The following PAK3 variants were observed in gnomAD, a reference collection of about 807,000 sequenced individuals.
The protein encoded by PAK3 is p21 (RAC1) activated kinase 3.
A neutral mutation model predicts 41.0 loss-of-function variants in PAK3; 4 were observed. The observed-to-expected ratio is 0.10, with a 90% CI of 0.05 to 0.22. The LOEUF (loss-of-function observed/expected upper bound fraction) is 0.22, where lower values mean the gene tolerates loss of function less well. Ranked by LOEUF, PAK3 falls within the 10% of genes least tolerant of loss-of-function variation. The pLI is 1.00. For synonymous variants in PAK3, 146 were observed against 139.6 expected (o/e 1.05, Z -0.32); for missense variants, 205 against 409.9 (o/e 0.50, Z 4.32).
chrX:111,144,902 A>G, intron 6 of PAK3: 1 of 1,108,131 alleles, frequency 9.0e-7, no homozygotes, highest in Non-Finnish European at 1.2e-6. Flanking sequence ...GGTCGCTTCA[A>G]GTCAATCAGA....
At chrX:110,979,296 C>CT (rs869275249) in intron 1 of PAK3, among the ~76,000 whole-genome samples, 103 of 9,073 alleles carry the variant, frequency 0.011, 1 homozygote, top group African/African-American at 0.017. Flanking sequence ...TATTACTTTT[C>CT]TTTTTTTTTT....
At chrX:111,196,864 T>G (rs1211974416) in intron 16 of PAK3, among the ~76,000 whole-genome samples, 1 of 108,158 alleles carries the variant, frequency 9.2e-6, no homozygotes, top group Non-Finnish European at 1.9e-5. Flanking sequence ...CTTTTTTTTT[T>G]TTTTTTTTGG....
At chrX:111,025,838 A>T (rs1337924726) in intron 1 of PAK3, among the ~76,000 whole-genome samples, 1 of 104,660 alleles carries the variant, frequency 9.6e-6, no homozygotes, top group African/African-American at 3.7e-5. Context: ...AAAGGATATA[A>T]CAAAAAAAAA....
intron 16 of PAK3, among the ~76,000 whole-genome samples, chrX:111,198,144 G>A (rs1179430258): frequency 4.5e-5 from 5 of 112,183 alleles, no homozygotes; most frequent in Non-Finnish European, 7.5e-5. Context: ...AGAAGTGTCT[G>A]TTCACGTCTT....
chrX:110,950,918 A>T (rs1430281045), intron 1 of PAK3, among the ~76,000 whole-genome samples: 1 of 111,201 alleles, frequency 9.0e-6, no homozygotes, highest in Non-Finnish European at 1.9e-5. Flanking sequence ...TTACCTTCCC[A>T]TCAACAGTGG....
At chrX:111,151,503 TG>T (rs1297029386) in intron 7 of PAK3, among the ~76,000 whole-genome samples, 1 of 110,510 alleles carries the variant, frequency 9.0e-6, no homozygotes, top group African/African-American at 3.3e-5. Context: ...CACAGGAAGG[TG>T]GAAAGAAGGA....
intron 8 of PAK3, among the ~76,000 whole-genome samples, chrX:111,157,025 A>G (rs1249385944): frequency 1.8e-5 from 2 of 111,915 alleles, no homozygotes; most frequent in Non-Finnish European, 3.8e-5. Flanking sequence ...GAGCAACTGG[A>G]TGTGCAGTTG....
chrX:110,949,985 T>C (rs1321276672), intron 1 of PAK3, among the ~76,000 whole-genome samples: 2 of 111,080 alleles, frequency 1.8e-5, no homozygotes, highest in Admixed American at 1.9e-4. Flanking sequence ...GTCAAACACC[T>C]AAATACCAAA....
intron 1 of PAK3, among the ~76,000 whole-genome samples, chrX:111,033,908 G>A (rs1204860788): frequency 9.1e-6 from 1 of 110,153 alleles, no homozygotes; most frequent in South Asian, 4.0e-4. Context: ...TATGTGAGAG[G>A]AGCATTATCT....
intron 1 of PAK3, among the ~76,000 whole-genome samples, chrX:111,000,137 C>A (rs1482889928): frequency 9.0e-6 from 1 of 111,226 alleles, no homozygotes; most frequent in Admixed American, 9.6e-5. Context: ...CCTTCCCCTT[C>A]TTCAAAAGAG....
chrX:110,990,925 C>T (rs865890267), intron 1 of PAK3, among the ~76,000 whole-genome samples: 7 of 110,278 alleles, frequency 6.3e-5, no homozygotes, highest in South Asian at 3.9e-4. Context: ...CCCAGGAGTT[C>T]GAGACCAGCC....
intron 1 of PAK3, among the ~76,000 whole-genome samples, chrX:110,959,364 G>A (rs949903308): frequency 9.0e-6 from 1 of 111,300 alleles, no homozygotes; most frequent in African/African-American, 3.3e-5. Flanking sequence ...TCCTCTCCTA[G>A]GGATTTTCAT....
chrX:111,158,650 A>G (rs1176527095), intron 8 of PAK3, among the ~76,000 whole-genome samples: 1 of 112,300 alleles, frequency 8.9e-6, no homozygotes. Flanking sequence ...CCAATATGGC[A>G]GGATAGTGTT....
intron 1 of PAK3, among the ~76,000 whole-genome samples, chrX:111,056,707 T>G (rs2092607793): frequency 8.9e-6 from 1 of 112,400 alleles, no homozygotes; most frequent in East Asian, 2.8e-4. Context: ...TTACATAAAT[T>G]GCTACATAAT....
intron 1 of PAK3, among the ~76,000 whole-genome samples, chrX:111,006,605 CCCAA>C (rs2091928239): frequency 9.0e-6 from 1 of 111,089 alleles, no homozygotes; most frequent in Admixed American, 9.5e-5. Context: ...TGAAATAAAG[CCCAA>C]CCAAATTTGG....
chrX:111,193,768 A>G (rs1603375566), intron 13 of PAK3, among the ~76,000 whole-genome samples: 1 of 103,929 alleles, frequency 9.6e-6, no homozygotes, highest in Non-Finnish European at 1.9e-5. Context: ...CAAAAAACAA[A>G]AAACAAAAAC....
chrX:110,979,572 G>A (rs1485203886), intron 1 of PAK3, among the ~76,000 whole-genome samples: 1 of 111,530 alleles, frequency 9.0e-6, no homozygotes, highest in African/African-American at 3.3e-5. Flanking sequence ...GGGATTACAG[G>A]CATGAGCCAC....
At chrX:111,178,599 T>C (rs2085082373) in intron 11 of PAK3, among the ~76,000 whole-genome samples, 2 of 111,015 alleles carry the variant, frequency 1.8e-5, no homozygotes, top group African/African-American at 6.5e-5. Flanking sequence ...TAGTTATTAT[T>C]AGGGATGAAA....
intron 6 of PAK3, 39 bp downstream of exon 6, chrX:111,142,235 G>T: frequency 2.6e-6 from 2 of 768,176 alleles, no homozygotes; most frequent in Non-Finnish European, 4.1e-6. Context: ...AGCCACGAAA[G>T]AATTCCTTTG....
Sources: gnomAD v4.1 joint callset for allele counts (sites outside exome capture counted in the v4.1 genomes callset) on GRCh38, gnomAD v4.1.1 for gene constraint, MANE v1.5 for transcripts, NCBI Gene and HGNC (gene_info 2026-07-23, HGNC 2026-07-21) for gene names.